Variants in SBF2 observed in about 807,000 individuals in gnomAD.
SBF2 encodes myotubularin-related protein 13.
Under a neutral mutation model 225.2 loss-of-function variants are expected in SBF2, and 112 were observed. That is an observed-to-expected ratio of 0.50 (90% CI 0.43 to 0.58). The LOEUF is 0.58. Ranked by LOEUF, SBF2 falls within the 20% of genes least tolerant of loss-of-function variation. SBF2 has a pLI of 0.00. For synonymous variants in SBF2, 763 were observed against 773.3 expected (o/e 0.99, Z 0.22); for missense variants, 1,996 against 2,206.2 (o/e 0.90, Z 1.91).
chr11:10,278,136 G>T (rs1201337576), intron 1 of SBF2, among the ~76,000 whole-genome samples: 2 of 152,072 alleles, frequency 1.3e-5, no homozygotes, highest in Admixed American at 6.5e-5. Flanking sequence ...AATCTATACT[G>T]TTTGAAATTC....
intron 23 of SBF2, 30 bp from the exon 24 acceptor site, chr11:9,845,770 A>G: frequency 1.2e-6 from 2 of 1,608,028 alleles, no homozygotes; most frequent in Middle Eastern, 1.7e-4. Flanking sequence ...AACACAAAAG[A>G]AGCATTAAGG....
intron 1 of SBF2, among the ~76,000 whole-genome samples, chr11:10,252,618 G>C (rs2135490076): frequency 6.6e-6 from 1 of 152,254 alleles, no homozygotes; most frequent in Non-Finnish European, 1.5e-5. Context: ...AGACCATCCT[G>C]ACTAACACGG....
chr11:9,966,193 C>T (rs1247602682), intron 14 of SBF2, among the ~76,000 whole-genome samples: 1 of 151,746 alleles, frequency 6.6e-6, no homozygotes, highest in Non-Finnish European at 1.5e-5. Context: ...TCAAGTGATT[C>T]TCCTCCTGCC....
intron 14 of SBF2, 140 bp from the exon 15 acceptor site, chr11:9,964,022 G>A: frequency 1.6e-6 from 1 of 631,172 alleles, no homozygotes; most frequent in Non-Finnish European, 2.8e-6. Context: ...AGGCTGAGGT[G>A]GGATGATCCC....
Position 9,785,162 on chromosome 11 carries a change from G to A in SBF2, c.5194C>T (p.Leu1732Phe). The stretch of plus-strand genomic sequence containing the variant: ...TTCTTGGATGTATACTGGCTATAGA[G>A]CGTGGCTGCTCTTCGCTCCACTCCA... The part of the protein sequence containing the change: ...SNGVERRAAT[L>F]YSQYTSKNDE... Residue 1732 changes from leucine to phenylalanine, a missense_variant, in exon 37 of 40, where the codon CTC (leucine) becomes TTC (phenylalanine). Physicochemically the swap from Leu to Phe is conservative, Grantham distance 22. Coordinates refer to ENST00000256190, the MANE Select transcript of SBF2 (RefSeq NM_030962.4). The A allele has an allele frequency of 6.2e-7, 1 of 1,613,646 alleles. No individual in the cohort carries two copies. Among genetic ancestry groups the A allele is most frequent in the Non-Finnish European group, 8.5e-7 (1 of 1,180,038 alleles).
At chr11:9,977,588 C>G (rs1276813288) in intron 13 of SBF2, among the ~76,000 whole-genome samples, 1 of 151,976 alleles carries the variant, frequency 6.6e-6, no homozygotes, top group African/African-American at 2.4e-5. Flanking sequence ...AAAAAGTAGG[C>G]CAACTCCTAC....
At chr11:10,116,159 A>T (rs1284902175) in intron 2 of SBF2, among the ~76,000 whole-genome samples, 1 of 152,002 alleles carries the variant, frequency 6.6e-6, no homozygotes, top group African/African-American at 2.4e-5. Flanking sequence ...ACAGAGCGAG[A>T]CTCCCTCTCA....
Position 10,294,180 on chromosome 11 carries a change from G to GGCAGCGCTTCAGCC in SBF2, c.-125_-112dup. ...TCCCTGCAGCGGCAGTAGCGGCAGCGGCAGCGCTTCAGCCATGTTTGACAA... is the reference window on the plus strand; with the variant it reads ...TCCCTGCAGCGGCAGTAGCGGCAGCGGCAGCGCTTCAGCCGCAGCGCTTCAGCCATGTTTGACAA... On this transcript the variant is annotated 5_prime_UTR_variant, in exon 1 of 40. It removes the in-frame stop codon of an upstream open reading frame in the 5' UTR. Transcript: ENST00000256190. 1 of 828,272 alleles carries GGCAGCGCTTCAGCC rather than the reference G, an allele frequency of 1.2e-6. No homozygotes were observed. The highest frequency in any genetic ancestry group is 3.6e-5 in the East Asian group (1 of 28,114). The allele number at this position is 828,272 out of a possible 1,614,324, so 51.3% of individuals were successfully genotyped here. A position where few individuals can be genotyped will look rare whatever the true frequency, so the allele number is the denominator to read the frequency against.
At chr11:9,787,416 A>G (rs576020831) in intron 36 of SBF2, among the ~76,000 whole-genome samples, 60 of 152,306 alleles carry the variant, frequency 3.9e-4, no homozygotes, top group African/African-American at 1.3e-3. Flanking sequence ...GTGCTGAGAC[A>G]TAAGTATTAT....
At chr11:9,875,876 C>T (rs1363786096) in intron 17 of SBF2, among the ~76,000 whole-genome samples, 1 of 152,006 alleles carries the variant, frequency 6.6e-6, no homozygotes. Flanking sequence ...TGCAGGCACA[C>T]ACAAACACAT....
Position 10,031,138 on chromosome 11 carries a change from T to C in SBF2, c.312A>G (p.Ala104=). The C allele has an allele frequency of 6.2e-7, 1 of 1,613,636 alleles. No homozygotes were observed. The highest frequency in any genetic ancestry group is 8.5e-7 in the Non-Finnish European group (1 of 1,179,704). ...CAGGCTGAATTAAACCAGACACTTT[T>C]GCTTCACCTTCAATCTCTTCCTTCT... ...GTKKEEIEGE[A]KVSGLIQPAE... is the part of the protein sequence containing the mutation. Residue 104 remains alanine, a synonymous_variant, in exon 4 of 40, where the codon GCA becomes GCG. Coordinates refer to ENST00000256190, the MANE Select transcript of SBF2 (RefSeq NM_030962.4).
intron 16 of SBF2, among the ~76,000 whole-genome samples, chr11:9,950,152 A>G (rs1009314859): frequency 6.6e-6 from 1 of 152,258 alleles, no homozygotes; most frequent in East Asian, 1.9e-4. Flanking sequence ...AGGGATTAAA[A>G]AAAAAAAAGT....
At chr11:9,881,272 T>C (rs1015389291) in intron 17 of SBF2, among the ~76,000 whole-genome samples, 1 of 151,254 alleles carries the variant, frequency 6.6e-6, no homozygotes, top group Non-Finnish European at 1.5e-5. Context: ...AAGGATAAAT[T>C]ATAACCATGA....
chr11:10,176,648 T>TTGAATCTC (rs1956476911), intron 2 of SBF2, among the ~76,000 whole-genome samples: 1 of 152,036 alleles, frequency 6.6e-6, no homozygotes. Flanking sequence ...CAGGAAGAAG[T>TTGAATCTC]TGAATCTCTG....
At chr11:9,785,010 T>C in intron 37 of SBF2, 115 bp downstream of exon 37, 1 of 941,516 alleles carries the variant, frequency 1.1e-6, no homozygotes, top group East Asian at 2.4e-5. Context: ...AGCAAATCCA[T>C]TTCAAGTTTA....
chr11:10,292,405 G>C (rs533537298), intron 1 of SBF2, among the ~76,000 whole-genome samples: 1 of 152,152 alleles, frequency 6.6e-6, no homozygotes, highest in South Asian at 2.1e-4. Flanking sequence ...TTGTTGGCCG[G>C]GCGTGGTGGC....
chr11:9,970,940 C>T (rs1310949808), intron 13 of SBF2, among the ~76,000 whole-genome samples: 1 of 152,180 alleles, frequency 6.6e-6, no homozygotes, highest in Non-Finnish European at 1.5e-5. Context: ...GGACTTAACA[C>T]CAATGTCACT....
At chr11:9,892,328 A>G (rs1860894608) in intron 17 of SBF2, among the ~76,000 whole-genome samples, 1 of 151,948 alleles carries the variant, frequency 6.6e-6, no homozygotes, top group South Asian at 2.1e-4. Context: ...CATGTTGGCC[A>G]GGCTGGTCTC....
At chr11:9,974,655 C>CAAA (rs756406933) in intron 13 of SBF2, among the ~76,000 whole-genome samples, 7 of 98,426 alleles carry the variant, frequency 7.1e-5, no homozygotes, top group African/African-American at 2.3e-4. Flanking sequence ...CAACACCGCC[C>CAAA]AAAAAAAAAA....
Sources: gnomAD v4.1 joint callset for allele counts (sites outside exome capture counted in the v4.1 genomes callset) on GRCh38, gnomAD v4.1.1 for gene constraint, MANE v1.5 for transcripts, NCBI Gene and HGNC (gene_info 2026-07-23, HGNC 2026-07-21) for gene names.